Variants in PARD3B observed in about 807,000 individuals in gnomAD.
PARD3B encodes the protein partitioning defective 3 homolog B.
PARD3B carries 103 observed loss-of-function variants against 130.2 expected under a neutral mutation model. That is an observed-to-expected ratio of 0.79 (90% CI 0.67 to 0.93). The LOEUF (loss-of-function observed/expected upper bound fraction) is 0.93, where lower values mean the gene tolerates loss of function less well. Among genes scored for constraint, PARD3B ranks in the 40% least tolerant of loss-of-function variants. The probability of loss-of-function intolerance (pLI) is 0.00; values close to 1 mark genes in which losing one functional copy is unlikely to be tolerated. For synonymous variants in PARD3B, 583 were observed against 553.2 expected (o/e 1.05, Z -0.76); for missense variants, 1,609 against 1,499.2 (o/e 1.07, Z -1.21).
intron 21 of PARD3B, among the ~76,000 whole-genome samples, chr2:205,541,908 C>T (rs1041075156): frequency 1.5e-4 from 22 of 151,702 alleles, no homozygotes; most frequent in African/African-American, 4.4e-4. Context: ...CTTTGGGAGG[C>T]CGAGGTGGGT....
rs150566714 is a variant in PARD3B, at chr2:205,021,182, C to T, written c.395-26399C>T. On this transcript the variant is annotated intron_variant, in intron 3 of 22. Coordinates refer to ENST00000406610, the MANE Select transcript of PARD3B (RefSeq NM_001302769.2). The surrounding 1 kb of genome is among the most constrained non-coding windows in gnomAD (Gnocchi z 4.5). ...TTTCATGAACCTGTGTAGAGGTCTG[C>T]AACTGGAAAGGATGTCCTGAAAAGC... Among the ~76,000 whole-genome samples, 872 of 152,084 alleles carry T rather than the reference C, an allele frequency of 5.7e-3. 7 individuals are homozygous for T. The highest frequency in any genetic ancestry group is 0.013 in the South Asian group (62 of 4,812).
At chr2:205,226,432 A>C (rs76347645) in intron 15 of PARD3B, among the ~76,000 whole-genome samples, 5,054 of 152,246 alleles carry the variant, frequency 0.033, 266 homozygotes, top group African/African-American at 0.11. Flanking sequence ...ATCGTTGCCG[A>C]GTCTAATGTC....
At chr2:204,807,843 G>A (rs1471059301) in intron 2 of PARD3B, among the ~76,000 whole-genome samples, 1 of 151,782 alleles carries the variant, frequency 6.6e-6, no homozygotes, top group African/African-American at 2.4e-5. Context: ...GTTGGGAAGG[G>A]TTGTGGGGGT....
At position 205,158,462 on chromosome 2, in the gene PARD3B, TC is replaced by T. The variant is rs2125712392; in HGVS notation, c.1435-259del. 6.6e-6 allele frequency among the ~76,000 whole-genome samples: 1 copy of T among 152,310 alleles called. No homozygotes were observed. The highest frequency in any genetic ancestry group is 6.5e-5 in the Admixed American group (1 of 15,306). Reference sequence around the variant, plus strand: ...GGCTTGCGAGGTGTTTCAGATTGCATCGCTCTGACTTGCCAAACGATCCTCT... The same window carrying T: ...GGCTTGCGAGGTGTTTCAGATTGCATGCTCTGACTTGCCAAACGATCCTCT... On this transcript the variant is annotated intron_variant, in intron 10 of 22. Transcript: ENST00000406610. The surrounding 1 kb of genome is among the most constrained non-coding windows in gnomAD (Gnocchi z 5.4).
At chr2:205,466,303 T>C (rs371749486) in intron 20 of PARD3B, among the ~76,000 whole-genome samples, 16 of 152,348 alleles carry the variant, frequency 1.1e-4, no homozygotes, top group East Asian at 3.9e-4. Context: ...TCGGTGAGAT[T>C]TGTGAGAAAT....
Position 205,287,048 on chromosome 2 carries a change from A to G in PARD3B, c.2186-13482A>G, listed in dbSNP as rs896512194. 2.0e-5 allele frequency among the ~76,000 whole-genome samples: 3 copies of G among 152,212 alleles called. No homozygotes were observed. The highest frequency in any genetic ancestry group is 4.4e-5 in the Non-Finnish European group (3 of 68,048). On this transcript the variant is annotated intron_variant, in intron 16 of 22. Coordinates refer to ENST00000406610, the MANE Select transcript of PARD3B (RefSeq NM_001302769.2). The surrounding 1 kb of genome is among the most constrained non-coding windows in gnomAD (Gnocchi z 4.8). ...AGAAGATTTGTCACTTGTAAAATCC[A>G]TGCAGCAACAGACTGGAACATGCCT... is the stretch of plus-strand genomic sequence containing the variant.
In PARD3B at chr2:205,091,376, G is replaced by C. The variant is rs1304568720; in HGVS notation, c.505-13050G>C. ...TGTGGAGTGATGTATTTTCAAAGAG[G>C]CTCCAGAAAAGATCGCAGCATTGGC... is the stretch of plus-strand genomic sequence containing the variant. On this transcript the variant is annotated intron_variant, in intron 4 of 22. Coordinates refer to ENST00000406610, the MANE Select transcript of PARD3B (RefSeq NM_001302769.2). This position sits in a 1 kb window ranked among gnomAD's most constrained non-coding sequence, Gnocchi z 4.2. Among the ~76,000 whole-genome samples, 1 of 151,974 alleles carries C rather than the reference G, an allele frequency of 6.6e-6. No homozygotes were observed.
chr2:205,043,136 T>C (rs1029223282), intron 3 of PARD3B, among the ~76,000 whole-genome samples: 1 of 152,130 alleles, frequency 6.6e-6, no homozygotes, highest in Non-Finnish European at 1.5e-5. Flanking sequence ...TTTATTTGTG[T>C]AAAAGTTTTG....
intron 1 of PARD3B, among the ~76,000 whole-genome samples, chr2:204,635,573 T>C (rs563095852): frequency 1.3e-5 from 2 of 152,280 alleles, no homozygotes; most frequent in South Asian, 4.1e-4. Flanking sequence ...TTCACAAGTT[T>C]TGAGGCTACA....
At chr2:204,914,094 C>T (rs546616486) in intron 2 of PARD3B, among the ~76,000 whole-genome samples, 2 of 152,262 alleles carry the variant, frequency 1.3e-5, no homozygotes, top group Non-Finnish European at 2.9e-5. Context: ...GAGGAGTGCA[C>T]AATGGGGCGG....
rs2031663145 is a variant in PARD3B at position 205,128,332 on chromosome 2, C to T, written c.1434+2595C>T. The stretch of plus-strand genomic sequence containing the variant: ...ATGTCCTCTGGAATTTTTAACCCCA[C>T]AGTTAATACCTTCTTCCTAGAAGCT... On this transcript the variant is annotated intron_variant, in intron 10 of 22. Transcript: ENST00000406610. The surrounding 1 kb of genome is among the most constrained non-coding windows in gnomAD (Gnocchi z 4.5). 6.6e-6 allele frequency among the ~76,000 whole-genome samples: 1 copy of T among 152,204 alleles called. No homozygotes were observed. Among genetic ancestry groups the T allele is most frequent in the Non-Finnish European group, 1.5e-5 (1 of 68,034 alleles).
intron 3 of PARD3B, among the ~76,000 whole-genome samples, chr2:204,972,826 T>C (rs2125181685): frequency 6.6e-6 from 1 of 152,266 alleles, no homozygotes. Context: ...AGGTCACCTT[T>C]CCTACCATTC....
intron 10 of PARD3B, among the ~76,000 whole-genome samples, chr2:205,151,452 T>C (rs559912680): frequency 6.6e-6 from 1 of 152,340 alleles, no homozygotes; most frequent in East Asian, 1.9e-4. Context: ...GCTCCTGTAT[T>C]GGGTGCATAT....
intron 22 of PARD3B, among the ~76,000 whole-genome samples, chr2:205,555,487 C>G (rs1381620721): frequency 6.6e-6 from 1 of 152,192 alleles, no homozygotes; most frequent in African/African-American, 2.4e-5. Flanking sequence ...CCCCGAAATA[C>G]TCACTCATGG....
intron 13 of PARD3B, among the ~76,000 whole-genome samples, chr2:205,182,651 C>T (rs955587157): frequency 1.3e-5 from 2 of 152,158 alleles, no homozygotes; most frequent in African/African-American, 4.8e-5. Flanking sequence ...TTGATAAATG[C>T]TATCCAAGAA....
At position 205,249,042 on chromosome 2, in the gene PARD3B, C is replaced by T. The variant is rs111397186; in HGVS notation, c.2185+3220C>T. ...TTTTTTTTTTTGAGACAGATTCTCC[C>T]TGTGTCACCCAGGCTGGAGTGTAGT... On this transcript the variant is annotated intron_variant, in intron 16 of 22. Coordinates refer to ENST00000406610, the MANE Select transcript of PARD3B (RefSeq NM_001302769.2). Among the ~76,000 whole-genome samples the T allele has an allele frequency of 5.2e-3, 712 of 135,966 alleles. 5 individuals are homozygous for T. Among genetic ancestry groups the T allele is most frequent in the Middle Eastern group, 9.1e-3 (2 of 220 alleles). 89.2% of individuals were successfully genotyped at this position (135,966 alleles called of 152,430 possible).
At chr2:204,596,156 A>G (rs1250716044) in intron 1 of PARD3B, among the ~76,000 whole-genome samples, 3 of 152,220 alleles carry the variant, frequency 2.0e-5, no homozygotes, top group Admixed American at 2.0e-4. Flanking sequence ...ATAATGTCCT[A>G]GGTTATTGTC....
intron 2 of PARD3B, among the ~76,000 whole-genome samples, chr2:204,917,610 G>C (rs931243215): frequency 2.0e-5 from 3 of 152,200 alleles, no homozygotes; most frequent in Non-Finnish European, 4.4e-5. Context: ...TCTGGACTGA[G>C]ATGTAAATTT....
intron 1 of PARD3B, among the ~76,000 whole-genome samples, chr2:204,602,105 A>G (rs2033536735): frequency 6.6e-6 from 1 of 151,986 alleles, no homozygotes; most frequent in Non-Finnish European, 1.5e-5. Context: ...ACAAATTTGG[A>G]CCTCAGCTCT....
Sources: allele counts gnomAD v4.1 joint callset (sites outside exome capture counted in the v4.1 genomes callset), GRCh38; gene constraint gnomAD v4.1.1; non-coding constraint Gnocchi (gnomAD v3.1); transcripts MANE v1.5; gene names NCBI Gene and HGNC (gene_info 2026-07-23, HGNC 2026-07-21).